Variants in PRDM6 observed in about 807,000 individuals in gnomAD.
The protein encoded by PRDM6 is PR/SET domain 6, also known as putative histone-lysine N-methyltransferase PRDM6.
PRDM6 carries 25 observed loss-of-function variants against 60.8 expected under a neutral mutation model. The observed-to-expected ratio is 0.41, with a 90% CI of 0.30 to 0.57. The LOEUF (loss-of-function observed/expected upper bound fraction) is 0.57. PRDM6 is among the 20% of genes least tolerant of loss of function. The pLI, the probability that PRDM6 is intolerant of heterozygous loss-of-function variation, is 0.27. For synonymous variants in PRDM6, 407 were observed against 357.4 expected, an observed-to-expected ratio of 1.14 and a Z score of -1.57; for missense variants, 839 against 821.3, an observed-to-expected ratio of 1.02 and a Z score of -0.26.
chr5:123,128,562 G>A (rs1764745869), intron 3 of PRDM6, among the ~76,000 whole-genome samples: 1 of 152,210 alleles, frequency 6.6e-6, no homozygotes, highest in Non-Finnish European at 1.5e-5. Flanking sequence ...CTGCATAAAT[G>A]TCTTCTTTTG....
intron 3 of PRDM6, among the ~76,000 whole-genome samples, chr5:123,111,211 G>A (rs1764304502): frequency 6.6e-6 from 1 of 152,088 alleles, no homozygotes; most frequent in African/African-American, 2.4e-5. Flanking sequence ...TATTTATTTT[G>A]CCATAATTTA....
At chr5:123,184,323 G>A (rs1006048482) in intron 7 of PRDM6, among the ~76,000 whole-genome samples, 1 of 152,060 alleles carries the variant, frequency 6.6e-6, no homozygotes, top group East Asian at 1.9e-4. Flanking sequence ...AGGTAATTAA[G>A]TCTAATTAAG....
At chr5:123,127,323 C>A (rs180718635) in intron 3 of PRDM6, among the ~76,000 whole-genome samples, 229 of 152,286 alleles carry the variant, frequency 1.5e-3, no homozygotes, top group African/African-American at 5.1e-3. Flanking sequence ...CAGGCATGAG[C>A]CACCGTGCCT....
chr5:123,089,497 C>G lies in PRDM6; in HGVS notation c.-38C>G. 1 of 157,708 alleles carries G rather than the reference C, an allele frequency of 6.3e-6. No homozygotes were observed. Among genetic ancestry groups the G allele is most frequent in the Non-Finnish European group, 1.4e-5 (1 of 72,012 alleles). The allele number at this position is 157,708 out of a possible 1,614,324, so 9.8% of individuals were successfully genotyped here. ...GCTCACCGAGACACCCGCACGCACC[C>G]ACCGGCAGCACCGAGTTTTCAGGTA... On this transcript the variant is annotated 5_prime_UTR_variant, in exon 1 of 8. Transcript: ENST00000407847.
intron 5 of PRDM6, among the ~76,000 whole-genome samples, chr5:123,168,273 G>GTA (rs1443321944): frequency 6.6e-6 from 1 of 152,056 alleles, no homozygotes; most frequent in Non-Finnish European, 1.5e-5. Context: ...TATAACGTAA[G>GTA]TATATATAAC....
intron 3 of PRDM6, among the ~76,000 whole-genome samples, chr5:123,105,132 G>A (rs1160700911): frequency 1.3e-5 from 2 of 152,158 alleles, no homozygotes; most frequent in Non-Finnish European, 2.9e-5. Context: ...CATTAGTTCA[G>A]TTTATCTATT....
intron 3 of PRDM6, among the ~76,000 whole-genome samples, chr5:123,142,877 C>CA: frequency 0.016 from 424 of 27,248 alleles, 2 homozygotes; most frequent in East Asian, 0.023. Flanking sequence ...CAGTGAAGAC[C>CA]AAAAAAAAAA....
intron 2 of PRDM6, among the ~76,000 whole-genome samples, chr5:123,093,253 A>C (rs542597092): frequency 3.8e-4 from 58 of 152,306 alleles, no homozygotes; most frequent in Admixed American, 1.9e-3. Flanking sequence ...CACAAGGCGA[A>C]ATAAAAAGGG....
intron 5 of PRDM6, among the ~76,000 whole-genome samples, chr5:123,166,197 G>T (rs566940360): frequency 1.4e-4 from 22 of 152,204 alleles, no homozygotes; most frequent in African/African-American, 4.8e-4. Context: ...TGGCCACATT[G>T]CCTTTTTTTC....
At chr5:123,161,358 G>A (rs892028959) in intron 5 of PRDM6, among the ~76,000 whole-genome samples, 1 of 152,214 alleles carries the variant, frequency 6.6e-6, no homozygotes, top group Non-Finnish European at 1.5e-5. Context: ...ATTTTAATGG[G>A]GGGAGACAGA....
intron 3 of PRDM6, among the ~76,000 whole-genome samples, chr5:123,115,327 A>G (rs1293483771): frequency 6.6e-6 from 1 of 152,198 alleles, no homozygotes; most frequent in Non-Finnish European, 1.5e-5. Flanking sequence ...AACTGAGGCC[A>G]TACCAGAATC....
At chr5:123,108,576 T>G (rs1371875421) in intron 3 of PRDM6, among the ~76,000 whole-genome samples, 1 of 152,140 alleles carries the variant, frequency 6.6e-6, no homozygotes, top group Non-Finnish European at 1.5e-5. Context: ...TGAAAAATAT[T>G]GGGCTACTAA....
intron 7 of PRDM6, among the ~76,000 whole-genome samples, chr5:123,183,999 A>G (rs984251644): frequency 2.0e-5 from 3 of 152,200 alleles, no homozygotes; most frequent in Non-Finnish European, 2.9e-5. Flanking sequence ...TCTTTCATCA[A>G]GAAAATGGAG....
chr5:123,181,421 G>A (rs1470253366), intron 7 of PRDM6, among the ~76,000 whole-genome samples: 1 of 152,176 alleles, frequency 6.6e-6, no homozygotes, highest in African/African-American at 2.4e-5. Flanking sequence ...TAGACATACG[G>A]GGCATGGGGG....
Position 123,159,569 on chromosome 5 carries a change from G to T in PRDM6, c.1084G>T (p.Val362Leu). ...TATCCCTAGGGGCACCGAGCTTCTG[G>T]TGTGGTACAATGACAGCTATACGTC... ...IDIPRGTELL[V>L]WYNDSYTSFF... Residue 362 changes from valine to leucine, a missense_variant, in exon 5 of 8, where the codon GTG becomes TTG. Physicochemically the swap from Val to Leu is conservative, Grantham distance 32. Coordinates refer to ENST00000407847, the MANE Select transcript of PRDM6 (RefSeq NM_001136239.4). The T allele has an allele frequency of 6.4e-7, 1 of 1,551,528 alleles. No homozygotes were observed. The highest frequency in any genetic ancestry group is 8.7e-7 in the Non-Finnish European group (1 of 1,146,818).
chr5:123,112,783 CTTTTTTTTTTT>C (rs537426568), intron 3 of PRDM6, among the ~76,000 whole-genome samples: 5 of 47,504 alleles, frequency 1.1e-4, no homozygotes, highest in South Asian at 1.0e-3. Flanking sequence ...TCTAATGGCT[CTTTTTTTTTTT>C]TTTTTTTTTT....
At chr5:123,148,526 G>T (rs1276943115) in intron 3 of PRDM6, among the ~76,000 whole-genome samples, 1 of 151,522 alleles carries the variant, frequency 6.6e-6, no homozygotes. Flanking sequence ...CATAATATGG[G>T]CACACTAGTC....
chr5:123,148,123 T>C (rs779614762), intron 3 of PRDM6, among the ~76,000 whole-genome samples: 2 of 152,248 alleles, frequency 1.3e-5, no homozygotes, highest in Non-Finnish European at 1.5e-5. Flanking sequence ...TTTTTCTGAT[T>C]ACCATATTTC....
chr5:123,153,767 T>A (rs529683900), intron 3 of PRDM6, among the ~76,000 whole-genome samples: 25 of 152,262 alleles, frequency 1.6e-4, no homozygotes, highest in Admixed American at 7.2e-4. Context: ...GGTGGACTGG[T>A]TAGTGGCTGG....
Sources: allele counts gnomAD v4.1 joint callset (sites outside exome capture counted in the v4.1 genomes callset), GRCh38; gene constraint gnomAD v4.1.1; transcripts MANE v1.5; gene names NCBI Gene and HGNC (gene_info 2026-07-23, HGNC 2026-07-21).